CAST: variants seen among roughly 807,000 people sequenced by gnomAD.
CAST encodes calpastatin.
Under a neutral mutation model 119.6 loss-of-function variants are expected in CAST, and 76 were observed. The ratio of observed to expected loss-of-function variants is 0.64; its 90% CI spans 0.53 to 0.77. The LOEUF (loss-of-function observed/expected upper bound fraction) is 0.77. CAST is among the 30% of genes least tolerant of loss of function. CAST has a pLI of 0.00. For missense variants in CAST, 953 were observed against 946.5 expected, an observed-to-expected ratio of 1.01 and a Z score of -0.09; for synonymous variants, 319 against 331.6, an observed-to-expected ratio of 0.96 and a Z score of 0.41.
At chr5:96,356,563 T>C in the CAST span, among the ~76,000 whole-genome samples, 30,491 of 152,124 alleles carry the variant, frequency 0.2, 3,801 homozygotes, top group Non-Finnish European at 0.26. Context: ...CTAGCTAGTT[T>C]TTTCAACACC....
At chr5:96,198,459 A>G in the CAST span, among the ~76,000 whole-genome samples, 2 of 152,102 alleles carry the variant, frequency 1.3e-5, no homozygotes, top group Non-Finnish European at 2.9e-5. Flanking sequence ...AGTGGGGACC[A>G]GGAAAGCAGC....
At chr5:95,962,119 T>C in the CAST span, 4 of 365,160 alleles carry the variant, frequency 1.1e-5, no homozygotes, top group African/African-American at 2.1e-5. Context: ...CGGCCGAGAT[T>C]GGCCAGGCTG....
At chr5:96,414,151 A>T in the CAST span, among the ~76,000 whole-genome samples, 1 of 151,612 alleles carries the variant, frequency 6.6e-6, no homozygotes, top group Non-Finnish European at 1.5e-5. Context: ...AAAAAAAAAA[A>T]AAAATCCCAG....
At chr5:96,155,710 G>C in the CAST span, among the ~76,000 whole-genome samples, 1 of 152,120 alleles carries the variant, frequency 6.6e-6, no homozygotes, top group Non-Finnish European at 1.5e-5. Flanking sequence ...CTCAGACTGA[G>C]TCCCATTTCT....
intron 1 of CAST, among the ~76,000 whole-genome samples, chr5:96,579,302 G>C (rs1746729925): frequency 6.6e-6 from 1 of 152,168 alleles, no homozygotes; most frequent in Non-Finnish European, 1.5e-5. Flanking sequence ...GAGGCTTCCA[G>C]AGGCCTGGCC....
At chr5:96,757,687 G>GGT in intron 24 of CAST, 33 bp downstream of exon 24, 1 of 1,096,806 alleles carries the variant, frequency 9.1e-7, no homozygotes, top group Non-Finnish European at 1.3e-6. Flanking sequence ...TATTTCTTTA[G>GGT]TTTTTTTTTT....
chr5:96,446,104 A>G, the CAST span, among the ~76,000 whole-genome samples: 8 of 151,442 alleles, frequency 5.3e-5, no homozygotes, highest in South Asian at 2.1e-4. Context: ...TCCAAATGAT[A>G]TAGTGACTCT....
At chr5:96,318,997 A>G in the CAST span, 1 of 152,248 alleles carries the variant, frequency 6.6e-6, no homozygotes. Flanking sequence ...TGGGTAATTT[A>G]TAAAGAAAAG....
intron 4 of CAST, among the ~76,000 whole-genome samples, chr5:96,722,911 C>G (rs1274643715): frequency 6.6e-6 from 1 of 152,002 alleles, no homozygotes; most frequent in African/African-American, 2.4e-5. Flanking sequence ...TTTAGGTTAT[C>G]TAGAAAAGTA....
the CAST span, among the ~76,000 whole-genome samples, chr5:96,038,617 C>T: frequency 9.5e-5 from 14 of 148,066 alleles, no homozygotes; most frequent in East Asian, 2.1e-4. Context: ...TGAGAACATG[C>T]GGTGTTTGCT....
At chr5:96,465,791 A>G in the CAST span, among the ~76,000 whole-genome samples, 10 of 152,254 alleles carry the variant, frequency 6.6e-5, no homozygotes, top group East Asian at 1.9e-3. Context: ...GGAATTTCTC[A>G]AGATCTGGAA....
the CAST span, among the ~76,000 whole-genome samples, chr5:96,319,461 T>C: frequency 6.6e-6 from 1 of 152,202 alleles, no homozygotes; most frequent in African/African-American, 2.4e-5. Flanking sequence ...ACCCAGGGAT[T>C]TGAACCCAGG....
the CAST span, among the ~76,000 whole-genome samples, chr5:96,363,798 A>T: frequency 7.2e-5 from 11 of 152,044 alleles, no homozygotes; most frequent in South Asian, 6.2e-4. Flanking sequence ...CAATTTGACT[A>T]CCTCTTTTCC....
upstream of CAST, among the ~76,000 whole-genome samples, chr5:96,523,679 A>T (rs1745553447): frequency 6.6e-6 from 1 of 152,232 alleles, no homozygotes; most frequent in Admixed American, 6.5e-5. Flanking sequence ...GGTCACAGCC[A>T]GGACTATATC....
intron 2 of CAST, among the ~76,000 whole-genome samples, chr5:96,680,125 C>T (rs955600274): frequency 4.6e-5 from 7 of 150,656 alleles, no homozygotes; most frequent in South Asian, 2.1e-4. Context: ...CTGAGGTGGG[C>T]GGATCACAAG....
chr5:96,440,726 G>T, the CAST span, among the ~76,000 whole-genome samples: 1 of 152,142 alleles, frequency 6.6e-6, no homozygotes, highest in Non-Finnish European at 1.5e-5. Flanking sequence ...AAGAAAGCTA[G>T]GAAAGAAATA....
At chr5:96,657,405 G>A (rs541264711), upstream of CAST, among the ~76,000 whole-genome samples, 1 of 152,294 alleles carries the variant, frequency 6.6e-6, no homozygotes, top group South Asian at 2.1e-4. Flanking sequence ...AAGACAGGCT[G>A]AGGGAGGAAA....
intron 1 of CAST, among the ~76,000 whole-genome samples, chr5:96,637,195 T>G (rs1012714535): frequency 2.0e-5 from 3 of 152,230 alleles, no homozygotes; most frequent in African/African-American, 7.2e-5. Flanking sequence ...ATTTACTATG[T>G]GTCAGGTGCA....
the CAST span, among the ~76,000 whole-genome samples, chr5:96,064,774 T>C: frequency 6.6e-6 from 1 of 152,316 alleles, no homozygotes; most frequent in African/African-American, 2.4e-5. Flanking sequence ...TAACCTAGTC[T>C]TTCGTAGAAA....
Sources: gnomAD v4.1 joint callset for allele counts (sites outside exome capture counted in the v4.1 genomes callset) on GRCh38, gnomAD v4.1.1 for gene constraint, MANE v1.5 for transcripts, NCBI Gene and HGNC (gene_info 2026-07-23, HGNC 2026-07-21) for gene names.